ITPR1: variants seen among roughly 807,000 people sequenced by gnomAD.
The protein encoded by ITPR1 is inositol 1,4,5-trisphosphate receptor type 1.
In ITPR1, 96 loss-of-function variants were observed where a neutral mutation model predicts 318.4. That is an observed-to-expected ratio of 0.30 (90% CI 0.26 to 0.36). ITPR1 has a LOEUF of 0.36. Ranked by LOEUF, ITPR1 falls within the 10% of genes least tolerant of loss-of-function variation. ITPR1 has a pLI of 1.00. For missense variants in ITPR1, 2,440 were observed against 3,460.2 expected (o/e 0.71, Z 7.40); for synonymous variants, 1,312 against 1,289.9 (o/e 1.02, Z -0.37).
At chr3:4,700,930 C>G (rs1367188948) in intron 35 of ITPR1, among the ~76,000 whole-genome samples, 2 of 152,158 alleles carry the variant, frequency 1.3e-5, no homozygotes, top group Non-Finnish European at 2.9e-5. Context: ...GAGACTCATT[C>G]ACTATCATGA....
At chr3:4,829,330 A>T (rs181845725) in intron 60 of ITPR1, among the ~76,000 whole-genome samples, 4 of 152,230 alleles carry the variant, frequency 2.6e-5, no homozygotes, top group Non-Finnish European at 5.9e-5. Flanking sequence ...TGTGAAATAC[A>T]GGGATATTAA....
At chr3:4,790,371 T>C (rs1250910146) in intron 52 of ITPR1, among the ~76,000 whole-genome samples, 1 of 152,234 alleles carries the variant, frequency 6.6e-6, no homozygotes, top group African/African-American at 2.4e-5. Context: ...ACTTATATTA[T>C]ATTGTAGCTA....
chr3:4,688,143 C>CA (rs143575688), intron 30 of ITPR1, among the ~76,000 whole-genome samples: 28 of 151,742 alleles, frequency 1.8e-4, no homozygotes, highest in Middle Eastern at 3.2e-3. Context: ...GTGATCCACC[C>CA]AAAGGGGTGG....
intron 60 of ITPR1, among the ~76,000 whole-genome samples, chr3:4,821,321 A>G (rs2049702144): frequency 2.0e-5 from 3 of 152,236 alleles, no homozygotes. Flanking sequence ...TGAAGATCCC[A>G]GAGACTCCTG....
rs148613827 is a variant in ITPR1 at position 4,544,742 on chromosome 3, G to A, written c.163+23648G>A. ...TCTGTCATCCCTTTTAAGTGATGGC[G>A]TTGGCAGAGGGTCATTCTCTTAGCT... On this transcript the variant is annotated intron_variant, in intron 4 of 61. Transcript: ENST00000649015. 2.2e-4 allele frequency among the ~76,000 whole-genome samples: 33 copies of A among 152,262 alleles called. No individual in the cohort carries two copies. In the South Asian group the frequency reaches 3.1e-3, roughly 14 times the overall value.
rs114733985 is a variant in ITPR1, at chr3:4,511,030, A to G, written c.-16-5446A>G. 7.5e-3 allele frequency among the ~76,000 whole-genome samples: 1,135 copies of G among 152,152 alleles called. 12 individuals carry two copies. Among genetic ancestry groups the G allele is most frequent in the African/African-American group, 0.026 (1,083 of 41,502 alleles). ...GGAGGAACAGGTTGGGCAGGCAGGT[A>G]AATTCTTTTTGGTACATTGAGATGC... On this transcript the variant is annotated intron_variant, in intron 2 of 61. Coordinates refer to ENST00000649015, the MANE Select transcript of ITPR1 (RefSeq NM_001378452.1).
At chr3:4,526,660 A>G (rs565890007) in intron 4 of ITPR1, among the ~76,000 whole-genome samples, 1 of 152,364 alleles carries the variant, frequency 6.6e-6, no homozygotes, top group Admixed American at 6.5e-5. Flanking sequence ...TGAGGAACCC[A>G]CCTATGAGGT....
intron 15 of ITPR1, among the ~76,000 whole-genome samples, chr3:4,662,469 TC>T (rs1227184018): frequency 7.9e-5 from 12 of 152,212 alleles, no homozygotes; most frequent in Non-Finnish European, 1.6e-4. Flanking sequence ...ACACCTGTAA[TC>T]CCAGGACTTT....
chr3:4,730,646 G>T (rs1369272705), intron 42 of ITPR1, among the ~76,000 whole-genome samples: 1 of 151,968 alleles, frequency 6.6e-6, no homozygotes, highest in African/African-American at 2.4e-5. Context: ...TTGCTTGATT[G>T]CAGACTGACC....
intron 60 of ITPR1, among the ~76,000 whole-genome samples, chr3:4,822,975 A>G (rs1408317253): frequency 6.6e-6 from 1 of 152,152 alleles, no homozygotes; most frequent in Non-Finnish European, 1.5e-5. Context: ...TTAATAAGCA[A>G]ATTTTTATTA....
At chr3:4,823,482 G>A (rs1008812982) in intron 60 of ITPR1, among the ~76,000 whole-genome samples, 8 of 152,162 alleles carry the variant, frequency 5.3e-5, no homozygotes, top group African/African-American at 1.9e-4. Context: ...CATAAAAAAG[G>A]AATGAAATCC....
intron 4 of ITPR1, among the ~76,000 whole-genome samples, chr3:4,534,359 A>G (rs1389986098): frequency 6.6e-6 from 1 of 152,040 alleles, no homozygotes; most frequent in Non-Finnish European, 1.5e-5. Context: ...CTTCTATATT[A>G]TTGGCCAAGG....
chr3:4,692,159 AAAAG>A, intron 32 of ITPR1, among the ~76,000 whole-genome samples: 1 of 151,722 alleles, frequency 6.6e-6, no homozygotes, highest in Non-Finnish European at 1.5e-5. Flanking sequence ...AAAAATAAAA[AAAAG>A]AGAGAGTCGG....
chr3:4,529,987 T>G (rs6796205), intron 4 of ITPR1, among the ~76,000 whole-genome samples: 53,632 of 151,944 alleles, frequency 0.35, 10,768 homozygotes, highest in African/African-American at 0.56. Context: ...TCTAACACCA[T>G]AAATCCTCCT....
intron 46 of ITPR1, among the ~76,000 whole-genome samples, chr3:4,773,181 C>T (rs2046295354): frequency 6.6e-6 from 1 of 152,124 alleles, no homozygotes; most frequent in Non-Finnish European, 1.5e-5. Context: ...GCTCAGGGGT[C>T]GGAGGAGCTT....
intron 53 of ITPR1, among the ~76,000 whole-genome samples, chr3:4,799,112 C>G (rs528017271): frequency 1.4e-4 from 22 of 152,186 alleles, no homozygotes; most frequent in Non-Finnish European, 2.8e-4. Flanking sequence ...TAAGGACCAT[C>G]GACTTCAGAG....
chr3:4,709,141 G>C (rs749431868), intron 37 of ITPR1, among the ~76,000 whole-genome samples: 2 of 152,160 alleles, frequency 1.3e-5, no homozygotes, highest in Non-Finnish European at 2.9e-5. Flanking sequence ...TTCCAAAAGG[G>C]ATGCTATGGG....
intron 5 of ITPR1, among the ~76,000 whole-genome samples, chr3:4,628,791 A>G (rs2092922659): frequency 6.6e-6 from 1 of 152,190 alleles, no homozygotes; most frequent in African/African-American, 2.4e-5. Context: ...CTCCCATCAA[A>G]TATTTCACGG....
At chr3:4,730,049 T>G (rs2042794230) in intron 42 of ITPR1, among the ~76,000 whole-genome samples, 1 of 151,974 alleles carries the variant, frequency 6.6e-6, no homozygotes, top group Non-Finnish European at 1.5e-5. Flanking sequence ...AGATTTTAAT[T>G]TTTCTTAAAT....
Sources: allele counts gnomAD v4.1 joint callset (sites outside exome capture counted in the v4.1 genomes callset), GRCh38; gene constraint gnomAD v4.1.1; transcripts MANE v1.5; gene names NCBI Gene and HGNC (gene_info 2026-07-23, HGNC 2026-07-21).